Variants in SRCIN1 observed in about 807,000 individuals in gnomAD.
SRCIN1 encodes the protein SRC kinase signaling inhibitor 1.
SRCIN1 carries 50 observed loss-of-function variants against 116.2 expected under a neutral mutation model. The ratio of observed to expected loss-of-function variants is 0.43; its 90% CI spans 0.34 to 0.54. The LOEUF (loss-of-function observed/expected upper bound fraction) is 0.54. Ranked by LOEUF, SRCIN1 falls within the 20% of genes least tolerant of loss-of-function variation. SRCIN1 has a pLI of 0.02. For missense variants in SRCIN1, 1,446 were observed against 1,672.0 expected, an observed-to-expected ratio of 0.86 and a Z score of 2.36; for synonymous variants, 736 against 750.0, an observed-to-expected ratio of 0.98 and a Z score of 0.30.
At chr17:38,599,883 C>T (rs987435747) in intron 1 of SRCIN1, among the ~76,000 whole-genome samples, 1 of 152,214 alleles carries the variant, frequency 6.6e-6, no homozygotes, top group Admixed American at 6.5e-5. Flanking sequence ...TCATCCTCTG[C>T]AAAATCCTAA....
rs1176226152 is a variant in SRCIN1 at position 38,602,893 on chromosome 17, T to C, written c.22+2791A>G. Among the ~76,000 whole-genome samples, 1 of 152,070 alleles carries C rather than the reference T, an allele frequency of 6.6e-6. No homozygotes were observed. Among genetic ancestry groups the C allele is most frequent in the Non-Finnish European group, 1.5e-5 (1 of 68,008 alleles). On this transcript the variant is annotated intron_variant, in intron 1 of 18. Coordinates refer to ENST00000617146, the MANE Select transcript of SRCIN1 (RefSeq NM_025248.3). This position sits in a 1 kb window ranked among gnomAD's most constrained non-coding sequence, Gnocchi z 4.2. ...GAGCCCCAAACTCAGCTCCCTCAGT[T>C]CAAATCCTCAACACTGTCTCCCTTC...
At chr17:38,547,853 A>G (rs1597887613) in intron 17 of SRCIN1, 4 of 128,954 alleles carry the variant, frequency 3.1e-5, no homozygotes, top group South Asian at 1.8e-4. Flanking sequence ...CGTGGGGGGG[A>G]GGGAAGACAC....
chr17:38,605,135 C>T (rs1456544406), intron 1 of SRCIN1, among the ~76,000 whole-genome samples: 2 of 151,920 alleles, frequency 1.3e-5, no homozygotes, highest in Admixed American at 6.5e-5. Flanking sequence ...CGCACTCATC[C>T]CCTTCCCTCC....
At position 38,572,407 on chromosome 17, in the gene SRCIN1, C is replaced by G. The variant is rs1440853160; in HGVS notation, c.325-4176G>C. 6.6e-6 allele frequency among the ~76,000 whole-genome samples: 1 copy of G among 152,164 alleles called. No homozygotes were observed. The highest frequency in any genetic ancestry group is 1.5e-5 in the Non-Finnish European group (1 of 68,012). On this transcript the variant is annotated intron_variant, in intron 2 of 18. Coordinates refer to ENST00000617146, the MANE Select transcript of SRCIN1 (RefSeq NM_025248.3). This position sits in a 1 kb window ranked among gnomAD's most constrained non-coding sequence, Gnocchi z 4.3. Reference sequence around the variant, plus strand: ...TGGGACGCTGGGGAAGAGGGCGCACCCCGGGAAGGTCATGACTTTCCGACG... The same window carrying G: ...TGGGACGCTGGGGAAGAGGGCGCACGCCGGGAAGGTCATGACTTTCCGACG...
chr17:38,585,300 C>G lies in SRCIN1; in HGVS notation c.23-6509G>C, dbSNP rs543915735. Among the ~76,000 whole-genome samples the G allele has an allele frequency of 2.0e-5, 3 of 152,198 alleles. No individual in the cohort carries two copies. Among genetic ancestry groups the G allele is most frequent in the South Asian group, 2.1e-4 (1 of 4,832 alleles). Reference sequence around the variant, plus strand: ...ACAAACACACAGCATGAGGCTCCCCCAGTCCCTCCTCTGCAGCCAATGCTA... The same window carrying G: ...ACAAACACACAGCATGAGGCTCCCCGAGTCCCTCCTCTGCAGCCAATGCTA... On this transcript the variant is annotated intron_variant, in intron 1 of 18. Transcript: ENST00000617146. This position sits in a 1 kb window ranked among gnomAD's most constrained non-coding sequence, Gnocchi z 4.2.
rs762119596 is a variant in SRCIN1 at position 38,552,066 on chromosome 17, C to T, written c.2547G>A (p.Thr849=). Residue 849 remains threonine, a synonymous_variant, in exon 14 of 19, where the codon ACG becomes ACA. Transcript: ENST00000617146. The surrounding 1 kb of genome is among the most constrained non-coding windows in gnomAD (Gnocchi z 5.3). ...CGCTCTTGTTGAAGTCAGTCTCTGCCGTCACCTTCTTGGGGGACTGACTCA... is the reference window on the plus strand; with the variant it reads ...CGCTCTTGTTGAAGTCAGTCTCTGCTGTCACCTTCTTGGGGGACTGACTCA... The part of the protein sequence containing the change: ...NLLSQSPKKV[T]AETDFNKSVD... The T allele has an allele frequency of 3.8e-5, 61 of 1,613,520 alleles. No homozygotes were observed. The highest frequency in any genetic ancestry group is 6.6e-5 in the South Asian group (6 of 91,070).
chr17:38,562,139 C>G lies in SRCIN1; in HGVS notation c.1024G>C (p.Gly342Arg). 3 of 1,370,970 alleles carry G rather than the reference C, an allele frequency of 2.2e-6. No individual in the cohort carries two copies. The highest frequency in any genetic ancestry group is 3.4e-5 in the South Asian group (2 of 59,044). 84.9% of individuals were successfully genotyped at this position (1,370,970 alleles called of 1,614,324 possible). The change falls in exon 7 of 19, where the codon GGC becomes CGC. Residue 342 changes from glycine (G) to arginine (R), a missense_variant. Gly to Arg is a moderately radical substitution (Grantham distance 125). Around this residue, in one of 5 missense-constraint regions of SRCIN1, gnomAD observed 239 missense variants for 317.7 expected, o/e 0.75. Coordinates refer to ENST00000617146, the MANE Select transcript of SRCIN1 (RefSeq NM_025248.3). The surrounding 1 kb of genome is among the most constrained non-coding windows in gnomAD (Gnocchi z 4.2). Reference protein sequence around the residue: ...YAGGRPPSYAGSPVHHAAERL... With the variant: ...YAGGRPPSYARSPVHHAAERL... ...TCGGCCGCGTGGTGCACCGGGCTGC[C>G]GGCGTACGAAGGCGGGCGCCCCCCG...
At position 38,568,131 on chromosome 17, in the gene SRCIN1, A is replaced by T; in HGVS notation, c.345+80T>A. On this transcript the variant is annotated intron_variant, in intron 3 of 18. Coordinates refer to ENST00000617146, the MANE Select transcript of SRCIN1 (RefSeq NM_025248.3). The surrounding 1 kb of genome is among the most constrained non-coding windows in gnomAD (Gnocchi z 4.5). ...CGTGCAGATGCGCACCCCGGTGCAA[A>T]GCCTGTGCAAGGGAGAGGCAGGGGC... is the stretch of plus-strand genomic sequence containing the variant. The T allele has an allele frequency of 6.4e-7, 1 of 1,552,892 alleles. No individual in the cohort carries two copies.
At position 38,539,006 on chromosome 17, in the gene SRCIN1, G is replaced by A. The variant is rs547097746; in HGVS notation, c.3417+4817C>T. On this transcript the variant is annotated intron_variant, in intron 18 of 18. Coordinates refer to ENST00000617146, the MANE Select transcript of SRCIN1 (RefSeq NM_025248.3). Reference sequence around the variant, plus strand: ...CACCCTCAGTACACATGCAACAAATGGTAGCCATTATAGCGATTGTCATTT... The same window carrying A: ...CACCCTCAGTACACATGCAACAAATAGTAGCCATTATAGCGATTGTCATTT... 3.0e-4 allele frequency among the ~76,000 whole-genome samples: 45 copies of A among 152,302 alleles called. No individual in the cohort carries two copies. The South Asian group carries it at 9.3e-3, about 32-fold the overall frequency.
chr17:38,565,389 TA>T (rs1437694805), intron 3 of SRCIN1, among the ~76,000 whole-genome samples: 1 of 152,204 alleles, frequency 6.6e-6, no homozygotes, highest in South Asian at 2.1e-4. Context: ...TGTCAAGAAA[TA>T]ATCATGTTGC....
chr17:38,552,109 G>A lies in SRCIN1; in HGVS notation c.2504C>T (p.Pro835Leu), dbSNP rs1905465388. ...IRRQVDEGVW[P>L]PPNNLLSQSP... ...CTGACTCAGGAGATTGTTGGGGGGT[G>A]GCCACACACCCTCATCCACTTGCCT... Residue 835 changes from proline (P) to leucine (L), a missense_variant, in exon 14 of 19, where the codon CCA (proline) becomes CTA (leucine). Transcript: ENST00000617146. The surrounding 1 kb of genome is among the most constrained non-coding windows in gnomAD (Gnocchi z 5.3). The A allele has an allele frequency of 6.2e-7, 1 of 1,612,726 alleles. No homozygotes were observed. The highest frequency in any genetic ancestry group is 8.5e-7 in the Non-Finnish European group (1 of 1,179,364).
At chr17:38,606,556 C>T (rs1003282808), upstream of SRCIN1, among the ~76,000 whole-genome samples, 2 of 152,122 alleles carry the variant, frequency 1.3e-5, no homozygotes, top group Non-Finnish European at 2.9e-5. The surrounding 1 kb of genome is among the most constrained non-coding windows in gnomAD (Gnocchi z 5.2). Context: ...CGGGTTGCAG[C>T]CCCTCCTGCA....
In SRCIN1 at chr17:38,602,643, A is replaced by C. The variant is rs908337085; in HGVS notation, c.22+3041T>G. The C allele has an allele frequency of 6.6e-6, 1 of 152,318 alleles. No homozygotes were observed. Among genetic ancestry groups the C allele is most frequent in the East Asian group, 1.9e-4 (1 of 5,182 alleles). 9.4% of individuals were successfully genotyped at this position (152,318 alleles called of 1,614,324 possible). On this transcript the variant is annotated intron_variant, in intron 1 of 18. Transcript: ENST00000617146. This position sits in a 1 kb window ranked among gnomAD's most constrained non-coding sequence, Gnocchi z 4.2. ...TCCCTCTCTGGGCCTCAAGGACATA[A>C]ATGAAGAAAGAAAACAGATTTCCTT...
chr17:38,584,529 G>A (rs998673599), intron 1 of SRCIN1, among the ~76,000 whole-genome samples: 6 of 152,028 alleles, frequency 3.9e-5, no homozygotes, highest in African/African-American at 1.4e-4. Flanking sequence ...AGTGGCGGGC[G>A]CCCCCCAGTG....
chr17:38,551,702 A>G (rs1905424239), intron 14 of SRCIN1, 184 bp downstream of exon 14: 1 of 888,934 alleles, frequency 1.1e-6, no homozygotes, highest in African/African-American at 1.7e-5. Context: ...GCTTTATAAT[A>G]CGCTTTCTGT....
In SRCIN1 at chr17:38,558,435, G is replaced by C. The variant is rs201822716; in HGVS notation, c.2026-33C>G. On this transcript the variant is annotated intron_variant, in intron 10 of 18. Transcript: ENST00000617146. This position sits in a 1 kb window ranked among gnomAD's most constrained non-coding sequence, Gnocchi z 4.6. ...ACGCACGGACGGATGGACCCGGGTG[G>C]GGGGAGCGGAGCCGCGAGGCAGGGG... The C allele has an allele frequency of 4.2e-5, 65 of 1,558,328 alleles. No individual in the cohort carries two copies. The highest frequency in any genetic ancestry group is 1.6e-4 in the Admixed American group (8 of 51,338).
chr17:38,590,868 C>T (rs919821625), intron 1 of SRCIN1, among the ~76,000 whole-genome samples: 14 of 152,364 alleles, frequency 9.2e-5, no homozygotes, highest in African/African-American at 3.4e-4. Flanking sequence ...CACAGGTCCC[C>T]TCTGTCCTTC....
At chr17:38,554,210 CAA>C (rs1008568582) in intron 11 of SRCIN1, among the ~76,000 whole-genome samples, 9 of 124,040 alleles carry the variant, frequency 7.3e-5, no homozygotes, top group African/African-American at 1.2e-4. Flanking sequence ...GACTCTGTCT[CAA>C]AAAAAAAAAA....
rs1380383236 is a variant in SRCIN1, at chr17:38,572,076, AC to A, written c.325-3846del. On this transcript the variant is annotated intron_variant, in intron 2 of 18. Transcript: ENST00000617146. This position sits in a 1 kb window ranked among gnomAD's most constrained non-coding sequence, Gnocchi z 4.3. The stretch of plus-strand genomic sequence containing the variant: ...CCCCAGCAGGTTCAGTGAGCAAATG[AC>A]CCCTCCTTGACCTCAAGCCCTGACC... Among the ~76,000 whole-genome samples the A allele has an allele frequency of 6.6e-6, 1 of 151,502 alleles. No individual in the cohort carries two copies. Among genetic ancestry groups the A allele is most frequent in the Non-Finnish European group, 1.5e-5 (1 of 67,914 alleles).
Sources: allele counts gnomAD v4.1 joint callset (sites outside exome capture counted in the v4.1 genomes callset), GRCh38; gene constraint gnomAD v4.1.1; regional missense constraint gnomAD v4.1.1; non-coding constraint Gnocchi (gnomAD v3.1); transcripts MANE v1.5; gene names NCBI Gene and HGNC (gene_info 2026-07-23, HGNC 2026-07-21).